ATP8A1: variants seen among roughly 807,000 people sequenced by gnomAD.
ATP8A1 encodes the protein ATPase phospholipid transporting 8A1, also known as phospholipid-transporting ATPase IA.
A neutral mutation model predicts 177.7 loss-of-function variants in ATP8A1; 90 were observed. That is an observed-to-expected ratio of 0.51 (90% CI 0.43 to 0.60). ATP8A1 has a LOEUF of 0.60. Ranked by LOEUF, ATP8A1 falls within the 20% of genes least tolerant of loss-of-function variation. The probability of loss-of-function intolerance (pLI) is 0.00; values close to 1 mark genes in which losing one functional copy is unlikely to be tolerated. For synonymous variants in ATP8A1, 493 were observed against 485.9 expected (o/e 1.01, Z -0.19); for missense variants, 1,072 against 1,392.8 (o/e 0.77, Z 3.67).
intron 25 of ATP8A1, among the ~76,000 whole-genome samples, chr4:42,473,521 C>CA (rs1720700516): frequency 6.6e-6 from 1 of 152,206 alleles, no homozygotes; most frequent in African/African-American, 2.4e-5. Flanking sequence ...AGCTTGGTCT[C>CA]AGAGTGGCCT....
At chr4:42,655,889 T>C (rs1377181294) in intron 1 of ATP8A1, among the ~76,000 whole-genome samples, 2 of 152,178 alleles carry the variant, frequency 1.3e-5, no homozygotes, top group Admixed American at 6.5e-5. Context: ...GAATCAGCGA[T>C]GATGGCAAGA....
At chr4:42,551,177 C>T (rs2153210825) in intron 18 of ATP8A1, 21 bp downstream of exon 18, 1 of 1,588,688 alleles carries the variant, frequency 6.3e-7, no homozygotes, top group Admixed American at 1.7e-5. Context: ...TTAAAAAGAA[C>T]CTTAAAAACA....
chr4:42,422,576 C>A (rs1714098544), intron 35 of ATP8A1, among the ~76,000 whole-genome samples: 1 of 152,056 alleles, frequency 6.6e-6, no homozygotes, highest in African/African-American at 2.4e-5. Context: ...GGTATTATTG[C>A]CCCCATTTTA....
intron 30 of ATP8A1, among the ~76,000 whole-genome samples, chr4:42,449,035 C>G (rs1717631499): frequency 6.6e-6 from 1 of 151,778 alleles, no homozygotes; most frequent in Admixed American, 6.6e-5. Context: ...GGAGTTTTGC[C>G]ATGTTGGCCA....
chr4:42,522,271 A>C lies in ATP8A1; in HGVS notation c.1836T>G (p.Ala612=). The change falls in exon 22 of 37, where the codon GCT becomes GCG. Residue 612 remains alanine, a synonymous_variant. Coordinates refer to ENST00000381668, the MANE Select transcript of ATP8A1 (RefSeq NM_006095.2). The part of the protein sequence containing the change: ...EGLRTLCFAV[A]EISESDFQEW... ...CCTGAAAGTCGCTCTCTGAAATCTC[A>C]GCCACAGCAAAACATAAAGTTCTTA... 6.2e-7 allele frequency: 1 copy of C among 1,613,762 alleles called. No homozygotes were observed. The highest frequency in any genetic ancestry group is 8.5e-7 in the Non-Finnish European group (1 of 1,179,864).
chr4:42,434,596 A>G (rs547085366), intron 33 of ATP8A1, among the ~76,000 whole-genome samples: 2 of 152,332 alleles, frequency 1.3e-5, no homozygotes, highest in East Asian at 3.9e-4. Context: ...CTTTAGATGC[A>G]ATCACTTTGG....
chr4:42,545,624 CCCT>C (rs1728828840), intron 19 of ATP8A1, among the ~76,000 whole-genome samples: 1 of 152,200 alleles, frequency 6.6e-6, no homozygotes, highest in Non-Finnish European at 1.5e-5. Flanking sequence ...CTCCCGCGTT[CCCT>C]CCTCACCCCA....
At chr4:42,541,543 A>C (rs1445140546) in intron 20 of ATP8A1, among the ~76,000 whole-genome samples, 1 of 152,138 alleles carries the variant, frequency 6.6e-6, no homozygotes, top group Non-Finnish European at 1.5e-5. Flanking sequence ...TGAGATGAAA[A>C]CCTATGTTTA....
intron 15 of ATP8A1, among the ~76,000 whole-genome samples, chr4:42,560,011 A>G (rs1730647691): frequency 6.6e-6 from 1 of 152,118 alleles, no homozygotes; most frequent in East Asian, 1.9e-4. Flanking sequence ...CAACCCCTAC[A>G]GTCCAGTTTT....
At chr4:42,619,169 AT>A (rs1323755341) in intron 4 of ATP8A1, among the ~76,000 whole-genome samples, 1 of 151,804 alleles carries the variant, frequency 6.6e-6, no homozygotes, top group Non-Finnish European at 1.5e-5. Flanking sequence ...CACCAGTATG[AT>A]TACTTGATTA....
Position 42,579,963 on chromosome 4 carries a change from G to A in ATP8A1, c.850C>T (p.Pro284Ser). The A allele has an allele frequency of 6.2e-7, 1 of 1,603,620 alleles. No homozygotes were observed. The highest frequency in any genetic ancestry group is 8.5e-7 in the Non-Finnish European group (1 of 1,175,188). ...TKLMQNSTSP[P>S]LKLSNVERIT... ...CGTTCCACATTTGAGAGCTTAAGTG[G>A]TGGACTTGTTGAATTCTGTAAAAAG... Residue 284 changes from proline to serine, a missense_variant, in exon 11 of 37, where the codon CCA becomes TCA. By Grantham distance (74) the Pro-to-Ser change is moderately conservative. Transcript: ENST00000381668.
In ATP8A1 at chr4:42,551,180, TA is replaced by T; in HGVS notation, c.1602+17del. On this transcript the variant is annotated intron_variant, in intron 18 of 36. Coordinates refer to ENST00000381668, the MANE Select transcript of ATP8A1 (RefSeq NM_006095.2). ...GTATTACTTGGATTAAAAAGAACCT[TA>T]AAAACAACTAACTTACTGAATCTAT... 6.3e-7 allele frequency: 1 copy of T among 1,599,922 alleles called. No homozygotes were observed. The highest frequency in any genetic ancestry group is 8.6e-7 in the Non-Finnish European group (1 of 1,167,322).
intron 5 of ATP8A1, among the ~76,000 whole-genome samples, chr4:42,606,747 C>T (rs566597660): frequency 1.3e-5 from 2 of 152,298 alleles, no homozygotes; most frequent in African/African-American, 4.8e-5. Flanking sequence ...CTATTTTTTT[C>T]TACTACCACA....
intron 25 of ATP8A1, among the ~76,000 whole-genome samples, chr4:42,471,624 C>T (rs1056416125): frequency 3.3e-5 from 5 of 152,092 alleles, no homozygotes; most frequent in African/African-American, 1.2e-4. Context: ...AAGAGAACTC[C>T]GCCTAGTATA....
At chr4:42,421,570 A>C (rs1257264956) in intron 35 of ATP8A1, among the ~76,000 whole-genome samples, 1 of 152,130 alleles carries the variant, frequency 6.6e-6, no homozygotes, top group African/African-American at 2.4e-5. Context: ...GCACGAAGTG[A>C]GCGCTCAACA....
intron 5 of ATP8A1, among the ~76,000 whole-genome samples, chr4:42,612,131 T>C (rs1254515454): frequency 2.0e-5 from 3 of 152,116 alleles, no homozygotes; most frequent in Non-Finnish European, 4.4e-5. Flanking sequence ...TTCTGCCATA[T>C]TTGGATTTTA....
intron 22 of ATP8A1, among the ~76,000 whole-genome samples, chr4:42,514,952 G>C (rs1171245186): frequency 6.6e-6 from 1 of 152,120 alleles, no homozygotes; most frequent in East Asian, 1.9e-4. Flanking sequence ...ACGTACTTAT[G>C]ACACAGTTAT....
At chr4:42,505,906 T>C (rs185027023) in intron 23 of ATP8A1, among the ~76,000 whole-genome samples, 61 of 152,346 alleles carry the variant, frequency 4.0e-4, no homozygotes, top group African/African-American at 1.4e-3. Flanking sequence ...TACCTACTTT[T>C]ACTAAATTTG....
intron 33 of ATP8A1, among the ~76,000 whole-genome samples, chr4:42,427,017 GT>G (rs1325255812): frequency 6.6e-6 from 1 of 152,194 alleles, no homozygotes; most frequent in Non-Finnish European, 1.5e-5. Flanking sequence ...GGGGAGTGCA[GT>G]AAGAGAAATG....
Sources: gnomAD v4.1 joint callset for allele counts (sites outside exome capture counted in the v4.1 genomes callset) on GRCh38, gnomAD v4.1.1 for gene constraint, MANE v1.5 for transcripts, NCBI Gene and HGNC (gene_info 2026-07-23, HGNC 2026-07-21) for gene names.